AGAP1: variants seen among roughly 807,000 people sequenced by gnomAD.
The protein encoded by AGAP1 is arf-GAP with GTPase, ANK repeat and PH domain-containing protein 1.
Under a neutral mutation model 105.3 loss-of-function variants are expected in AGAP1, and 29 were observed. That is an observed-to-expected ratio of 0.28 (90% CI 0.21 to 0.38). AGAP1 has a LOEUF of 0.38. Among genes scored for constraint, AGAP1 ranks in the 10% least tolerant of loss-of-function variants. The pLI, the probability that AGAP1 is intolerant of heterozygous loss-of-function variation, is 1.00. For missense variants in AGAP1, 998 were observed against 1,165.1 expected (o/e 0.86, Z 2.09); for synonymous variants, 509 against 485.9 (o/e 1.05, Z -0.63).
At chr2:236,030,513 G>A (rs1264829994) in intron 13 of AGAP1, among the ~76,000 whole-genome samples, 2 of 152,170 alleles carry the variant, frequency 1.3e-5, no homozygotes, top group African/African-American at 2.4e-5. Flanking sequence ...CTGGACCCTG[G>A]GTTTATGTTT....
At position 235,789,770 on chromosome 2, in the gene AGAP1, T is replaced by C. The variant is rs1956865652; in HGVS notation, c.674-7989T>C. ...TTCTCCTGCTGGCTTGCTTGGGGCATGGCATGTCCTAATGACTTACTCGAG... is the reference window on the plus strand; with the variant it reads ...TTCTCCTGCTGGCTTGCTTGGGGCACGGCATGTCCTAATGACTTACTCGAG... On this transcript the variant is annotated intron_variant, in intron 6 of 17. Transcript: ENST00000304032. The surrounding 1 kb of genome is among the most constrained non-coding windows in gnomAD (Gnocchi z 4.2). 6.6e-6 allele frequency among the ~76,000 whole-genome samples: 1 copy of C among 152,230 alleles called. No homozygotes were observed. The highest frequency in any genetic ancestry group is 1.5e-5 in the Non-Finnish European group (1 of 68,044).
intron 9 of AGAP1, among the ~76,000 whole-genome samples, chr2:235,852,034 G>A (rs1175129662): frequency 6.6e-6 from 1 of 152,184 alleles, no homozygotes; most frequent in African/African-American, 2.4e-5. Flanking sequence ...AAACAGGCCT[G>A]TGAGCTGCTG....
At chr2:235,813,201 G>A (rs1371028583) in intron 9 of AGAP1, among the ~76,000 whole-genome samples, 1 of 152,216 alleles carries the variant, frequency 6.6e-6, no homozygotes, top group Non-Finnish European at 1.5e-5. Context: ...GGCAATGTTG[G>A]TGGGTGACAA....
At chr2:235,822,579 G>T (rs73126463) in intron 9 of AGAP1, among the ~76,000 whole-genome samples, 1 of 151,774 alleles carries the variant, frequency 6.6e-6, no homozygotes, top group African/African-American at 2.4e-5. Context: ...AAGCCCAAGG[G>T]TGAAGAGAAG....
At chr2:235,768,184 T>C (rs1199264246) in intron 6 of AGAP1, among the ~76,000 whole-genome samples, 1 of 152,236 alleles carries the variant, frequency 6.6e-6, no homozygotes, top group East Asian at 1.9e-4. Flanking sequence ...GTTTGTTTAT[T>C]GTTTTCACCC....
At position 235,977,450 on chromosome 2, in the gene AGAP1, G is replaced by T. The variant is rs576876110; in HGVS notation, c.1645+8827G>T. 6.6e-6 allele frequency among the ~76,000 whole-genome samples: 1 copy of T among 152,172 alleles called. No individual in the cohort carries two copies. The highest frequency in any genetic ancestry group is 6.5e-5 in the Admixed American group (1 of 15,284). On this transcript the variant is annotated intron_variant, in intron 13 of 17. Coordinates refer to ENST00000304032, the MANE Select transcript of AGAP1 (RefSeq NM_001037131.3). The surrounding 1 kb of genome is among the most constrained non-coding windows in gnomAD (Gnocchi z 5.2). ...TCTACTCTTTCTACTTTCCTCAGCTGCATGTATTTTACACACAAAGTACAG... is the reference window on the plus strand; with the variant it reads ...TCTACTCTTTCTACTTTCCTCAGCTTCATGTATTTTACACACAAAGTACAG...
chr2:235,670,603 A>T, intron 1 of AGAP1: 2 of 569,072 alleles, frequency 3.5e-6, no homozygotes, highest in Non-Finnish European at 3.1e-6. Context: ...AAGGCCGGAC[A>T]CTGGGCGGCG....
At position 236,096,630 on chromosome 2, in the gene AGAP1, G is replaced by A. The variant is rs1415537543; in HGVS notation, c.2115-23562G>A. ...TCTCGCTCTTGTCACCCAGGCTGGA[G>A]TGCAGTGGCATGATCTCATCTCACT... is the stretch of plus-strand genomic sequence containing the variant. On this transcript the variant is annotated intron_variant, in intron 16 of 17. Coordinates refer to ENST00000304032, the MANE Select transcript of AGAP1 (RefSeq NM_001037131.3). This position sits in a 1 kb window ranked among gnomAD's most constrained non-coding sequence, Gnocchi z 4.4. Among the ~76,000 whole-genome samples the A allele has an allele frequency of 6.6e-6, 1 of 151,828 alleles. No homozygotes were observed. The highest frequency in any genetic ancestry group is 1.5e-5 in the Non-Finnish European group (1 of 67,980).
intron 6 of AGAP1, among the ~76,000 whole-genome samples, chr2:235,770,502 A>G (rs939535981): frequency 6.6e-6 from 1 of 152,204 alleles, no homozygotes; most frequent in South Asian, 2.1e-4. Flanking sequence ...ATCTCGGCTC[A>G]CTGCAACTGC....
chr2:235,516,770 T>C (rs1361747460), intron 1 of AGAP1, among the ~76,000 whole-genome samples: 1 of 152,204 alleles, frequency 6.6e-6, no homozygotes, highest in Non-Finnish European at 1.5e-5. Flanking sequence ...GAATCTTCCC[T>C]GTATTCTGGA....
chr2:235,644,189 A>T (rs1487731740), intron 1 of AGAP1, among the ~76,000 whole-genome samples: 1 of 152,218 alleles, frequency 6.6e-6, no homozygotes, highest in Non-Finnish European at 1.5e-5. Flanking sequence ...GAAGTACTGG[A>T]TGGAATCCTT....
At chr2:235,809,988 C>T (rs1958045938) in intron 9 of AGAP1, among the ~76,000 whole-genome samples, 2 of 152,156 alleles carry the variant, frequency 1.3e-5, no homozygotes, top group Admixed American at 6.5e-5. Context: ...GGGCCCTATA[C>T]CAGGCAGCTA....
At chr2:235,500,400 CCTCT>C (rs1337161807) in intron 1 of AGAP1, among the ~76,000 whole-genome samples, 3 of 152,274 alleles carry the variant, frequency 2.0e-5, no homozygotes, top group African/African-American at 4.8e-5. Flanking sequence ...CACGAATGTG[CCTCT>C]CTAAGAAGTG....
At chr2:235,567,649 G>C (rs1460412122) in intron 1 of AGAP1, among the ~76,000 whole-genome samples, 1 of 151,964 alleles carries the variant, frequency 6.6e-6, no homozygotes, top group Non-Finnish European at 1.5e-5. Context: ...CTGTGGGACT[G>C]GTGGACTATT....
At position 235,721,558 on chromosome 2, in the gene AGAP1, C is replaced by T. The variant is rs999430437; in HGVS notation, c.310+3914C>T. On this transcript the variant is annotated intron_variant, in intron 3 of 17. Coordinates refer to ENST00000304032, the MANE Select transcript of AGAP1 (RefSeq NM_001037131.3). The surrounding 1 kb of genome is among the most constrained non-coding windows in gnomAD (Gnocchi z 4.5). ...TACTTCAGTCCTAGCACTGTAGTAA[C>T]GAACTGCCACACACAGTGTGGCTTA... Among the ~76,000 whole-genome samples, 3 of 152,010 alleles carry T rather than the reference C, an allele frequency of 2.0e-5. No homozygotes were observed. The highest frequency in any genetic ancestry group is 1.9e-4 in the East Asian group (1 of 5,162).
intron 1 of AGAP1, among the ~76,000 whole-genome samples, chr2:235,650,611 A>C (rs1947550397): frequency 6.6e-6 from 1 of 152,170 alleles, no homozygotes; most frequent in African/African-American, 2.4e-5. Flanking sequence ...TGAGGTCCTG[A>C]GTGTTCCTGG....
rs964762653 is a variant in AGAP1, at chr2:235,737,291, C to T, written c.311-3672C>T. The stretch of plus-strand genomic sequence containing the variant: ...AAGTGTAATACGAAAAAAAATCATG[C>T]AAATCAATTACCAGTATCTGGTGTT... On this transcript the variant is annotated intron_variant, in intron 3 of 17. Transcript: ENST00000304032. The surrounding 1 kb of genome is among the most constrained non-coding windows in gnomAD (Gnocchi z 4.5). Among the ~76,000 whole-genome samples, 5 of 152,132 alleles carry T rather than the reference C, an allele frequency of 3.3e-5. No homozygotes were observed. The highest frequency in any genetic ancestry group is 6.5e-5 in the Admixed American group (1 of 15,278).
In AGAP1 at chr2:236,001,852, G is replaced by T. The variant is rs1287596546; in HGVS notation, c.1645+33229G>T. Among the ~76,000 whole-genome samples, 2 of 152,200 alleles carry T rather than the reference G, an allele frequency of 1.3e-5. No individual in the cohort carries two copies. Among genetic ancestry groups the T allele is most frequent in the African/African-American group, 4.8e-5 (2 of 41,450 alleles). ...CTAATAGGTTATGCCAGCCCCTCTCGTTGGGCATTGAAATTGCCTCAGCAG... is the reference window on the plus strand; with the variant it reads ...CTAATAGGTTATGCCAGCCCCTCTCTTTGGGCATTGAAATTGCCTCAGCAG... On this transcript the variant is annotated intron_variant, in intron 13 of 17. Transcript: ENST00000304032. The surrounding 1 kb of genome is among the most constrained non-coding windows in gnomAD (Gnocchi z 4.7).
intron 1 of AGAP1, among the ~76,000 whole-genome samples, chr2:235,573,016 T>C (rs1944595730): frequency 8.0e-5 from 2 of 25,130 alleles, no homozygotes; most frequent in East Asian, 2.5e-3. Flanking sequence ...CTTCTTCTTC[T>C]TCTTCTTCTT....
Sources: gnomAD v4.1 joint callset for allele counts (sites outside exome capture counted in the v4.1 genomes callset) on GRCh38, gnomAD v4.1.1 for gene constraint, Gnocchi (gnomAD v3.1) non-coding constraint, MANE v1.5 for transcripts, NCBI Gene and HGNC (gene_info 2026-07-23, HGNC 2026-07-21) for gene names.